KITLG: variants seen among roughly 807,000 people sequenced by gnomAD.
KITLG encodes the protein c-Kit ligand.
A neutral mutation model predicts 34.1 loss-of-function variants in KITLG; 13 were observed. That is an observed-to-expected ratio of 0.38 (90% CI 0.25 to 0.61). The LOEUF (loss-of-function observed/expected upper bound fraction) is 0.61. Ranked by LOEUF, KITLG falls within the 20% of genes least tolerant of loss-of-function variation. The probability of loss-of-function intolerance (pLI) is 0.60; values close to 1 mark genes in which losing one functional copy is unlikely to be tolerated. For synonymous variants in KITLG, 110 were observed against 104.0 expected (o/e 1.06, Z -0.35); for missense variants, 292 against 318.9 (o/e 0.92, Z 0.64).
chr12:88,554,584 C>T (rs909218753), intron 1 of KITLG, among the ~76,000 whole-genome samples: 5 of 152,308 alleles, frequency 3.3e-5, no homozygotes, highest in African/African-American at 1.2e-4. Context: ...GACAGGAAAG[C>T]AAGTTACCAA....
chr12:88,544,683 C>T (rs1033243273), intron 2 of KITLG, among the ~76,000 whole-genome samples: 15 of 152,010 alleles, frequency 9.9e-5, no homozygotes, highest in African/African-American at 3.4e-4. Flanking sequence ...TCTCTGGGTC[C>T]TAAGGAATTT....
At chr12:88,560,992 A>AC (rs1871281054) in intron 1 of KITLG, among the ~76,000 whole-genome samples, 4 of 150,154 alleles carry the variant, frequency 2.7e-5, no homozygotes, top group Non-Finnish European at 5.9e-5. Context: ...AAAAAAAAAA[A>AC]AGAAAGAAAG....
intron 2 of KITLG, among the ~76,000 whole-genome samples, chr12:88,540,566 G>A (rs1383749116): frequency 6.6e-6 from 1 of 152,078 alleles, no homozygotes; most frequent in East Asian, 1.9e-4. Context: ...TTGAGAGGCA[G>A]AGGTGGGAGG....
At position 88,532,461 on chromosome 12, in the gene KITLG, C is replaced by T. The variant is rs2120879493; in HGVS notation, c.172G>A (p.Val58Ile). Residue 58 changes from valine to isoleucine, a missense_variant, in exon 3 of 10, where the codon GTC becomes ATC. Physicochemically the swap from Val to Ile is conservative, Grantham distance 29. Transcript: ENST00000644744. Reference protein sequence around the residue: ...PKDYMITLKYVPGMDVLPSHC... With the variant: ...PKDYMITLKYIPGMDVLPSHC... ...CATACCAAAACATCCATCCCGGGGA[C>T]ATATTTGAGGGTTATCATGTAGTCT... 1.2e-6 allele frequency: 2 copies of T among 1,610,006 alleles called. No individual in the cohort carries two copies. Among genetic ancestry groups the T allele is most frequent in the East Asian group, 4.5e-5 (2 of 44,752 alleles).
At chr12:88,503,550 C>T (rs1376038712) in intron 9 of KITLG, among the ~76,000 whole-genome samples, 2 of 152,154 alleles carry the variant, frequency 1.3e-5, no homozygotes, top group African/African-American at 2.4e-5. Context: ...ACAAAAATAA[C>T]AGCCAATTAG....
chr12:88,550,979 G>A (rs1020482191), intron 1 of KITLG, among the ~76,000 whole-genome samples: 1 of 152,026 alleles, frequency 6.6e-6, no homozygotes, highest in Non-Finnish European at 1.5e-5. Flanking sequence ...TTTTGCATCA[G>A]TTAAATTCAA....
chr12:88,509,581 C>T (rs568724692), intron 6 of KITLG, among the ~76,000 whole-genome samples: 1 of 152,218 alleles, frequency 6.6e-6, no homozygotes, highest in Admixed American at 6.5e-5. Context: ...CAGCAATCTT[C>T]CTGCAGGAGA....
At position 88,497,089 on chromosome 12, in the gene KITLG, A is replaced by G; in HGVS notation, c.*130T>C. Reference sequence around the variant, plus strand: ...CATCCATATAAAGTCATGGGTAGCAAGAACAGATAAAGATGTGGTCTGTCA... The same window carrying G: ...CATCCATATAAAGTCATGGGTAGCAGGAACAGATAAAGATGTGGTCTGTCA... On this transcript the variant is annotated 3_prime_UTR_variant, in exon 10 of 10. Transcript: ENST00000644744. 1 of 425,186 alleles carries G rather than the reference A, an allele frequency of 2.4e-6. No homozygotes were observed. The highest frequency in any genetic ancestry group is 4.7e-6 in the Non-Finnish European group (1 of 214,158). The allele number at this position is 425,186 out of a possible 1,614,324, so 26.3% of individuals were successfully genotyped here. A position where few individuals can be genotyped will look rare whatever the true frequency, so the allele number is the denominator to read the frequency against.
chr12:88,553,045 G>A (rs564536743), intron 1 of KITLG, among the ~76,000 whole-genome samples: 1 of 152,326 alleles, frequency 6.6e-6, no homozygotes, highest in East Asian at 1.9e-4. Context: ...CTTCAAAAAT[G>A]TTTGAGTAAA....
Position 88,506,378 on chromosome 12 carries a change from T to G in KITLG, c.715A>C (p.Lys239Gln), listed in dbSNP as rs1230651276. 6.3e-7 allele frequency: 1 copy of G among 1,599,200 alleles called. No individual in the cohort carries two copies. Among genetic ancestry groups the G allele is most frequent in the Middle Eastern group, 1.7e-4 (1 of 6,022 alleles). The change falls in exon 8 of 10, where the codon AAG becomes CAG. Residue 239 changes from lysine to glutamine, a missense_variant and splice_region_variant. Lys to Gln is a moderately conservative substitution (Grantham distance 53). This residue lies in a region of KITLG where 140 missense variants were observed against 111.0 expected (regional missense o/e 1.26). Transcript: ENST00000644744. The stretch of plus-strand genomic sequence containing the variant: ...GCCCTTGTAAGACTTGGCTGTCTCT[T>G]CTGGAAAAAGAAGAAAGACATATAC... ...GFAFGALYWK[K>Q]RQPSLTRAVE...
intron 6 of KITLG, among the ~76,000 whole-genome samples, chr12:88,512,652 T>C (rs959194299): frequency 6.6e-6 from 1 of 151,872 alleles, no homozygotes; most frequent in Admixed American, 6.6e-5. Flanking sequence ...GAAATGACCC[T>C]GTACATACAG....
At chr12:88,539,765 A>G (rs981329009) in intron 2 of KITLG, among the ~76,000 whole-genome samples, 2 of 152,046 alleles carry the variant, frequency 1.3e-5, no homozygotes, top group Admixed American at 1.3e-4. Context: ...CAAGAAAAAA[A>G]TTTAAAAAAT....
intron 1 of KITLG, among the ~76,000 whole-genome samples, chr12:88,551,235 AG>A (rs1231370185): frequency 6.6e-6 from 1 of 152,220 alleles, no homozygotes; most frequent in Non-Finnish European, 1.5e-5. Context: ...GCTAAACATT[AG>A]GACAGGGAGA....
Position 88,497,068 on chromosome 12 carries a change from C to A in KITLG, c.*151G>T. On this transcript the variant is annotated 3_prime_UTR_variant, in exon 10 of 10. Transcript: ENST00000644744. ...ATTCTGTTCCAATTTCTGAATCATCCATATAAAGTCATGGGTAGCAAGAAC... is the reference window on the plus strand; with the variant it reads ...ATTCTGTTCCAATTTCTGAATCATCAATATAAAGTCATGGGTAGCAAGAAC... 1 of 378,444 alleles carries A rather than the reference C, an allele frequency of 2.6e-6. No homozygotes were observed. The highest frequency in any genetic ancestry group is 3.3e-5 in the Admixed American group (1 of 30,158). 23.4% of individuals were successfully genotyped at this position (378,444 alleles called of 1,614,324 possible). A position where few individuals can be genotyped will look rare whatever the true frequency, so the allele number is the denominator to read the frequency against.
chr12:88,545,626 A>G, intron 2 of KITLG, 126 bp downstream of exon 2: 1 of 625,304 alleles, frequency 1.6e-6, no homozygotes. Flanking sequence ...TAACCCAGTG[A>G]TTACTTTCCC....
intron 4 of KITLG, among the ~76,000 whole-genome samples, chr12:88,518,300 T>C (rs1202814792): frequency 6.6e-6 from 1 of 152,158 alleles, no homozygotes; most frequent in Non-Finnish European, 1.5e-5. Flanking sequence ...TGTATTCCTT[T>C]GCTGTGACCT....
At chr12:88,570,939 C>T (rs1871630548) in intron 1 of KITLG, among the ~76,000 whole-genome samples, 1 of 152,006 alleles carries the variant, frequency 6.6e-6, no homozygotes, top group South Asian at 2.1e-4. Context: ...AACAGCTTGT[C>T]TTTGGCCTAC....
chr12:88,573,996 C>T (rs1414607199), intron 1 of KITLG, among the ~76,000 whole-genome samples: 2 of 152,156 alleles, frequency 1.3e-5, no homozygotes, highest in Non-Finnish European at 2.9e-5. Flanking sequence ...AGCCCCAGGG[C>T]AACAGCTACA....
At chr12:88,527,650 G>A (rs941108634) in intron 3 of KITLG, among the ~76,000 whole-genome samples, 5 of 152,198 alleles carry the variant, frequency 3.3e-5, no homozygotes, top group East Asian at 1.9e-4. Context: ...TGGCCTTAAA[G>A]TGTCTCTCCC....
Sources: allele counts gnomAD v4.1 joint callset (sites outside exome capture counted in the v4.1 genomes callset), GRCh38; gene constraint gnomAD v4.1.1; regional missense constraint gnomAD v4.1.1; transcripts MANE v1.5; gene names NCBI Gene and HGNC (gene_info 2026-07-23, HGNC 2026-07-21).